Variants in RTN1 observed in about 807,000 individuals in gnomAD.
RTN1 encodes reticulon-1.
Under a neutral mutation model 65.5 loss-of-function variants are expected in RTN1, and 25 were observed. The ratio of observed to expected loss-of-function variants is 0.38; its 90% CI spans 0.28 to 0.53. The LOEUF is 0.53. Ranked by LOEUF, RTN1 falls within the 20% of genes least tolerant of loss-of-function variation. The probability of loss-of-function intolerance (pLI) is 0.79; values close to 1 mark genes in which losing one functional copy is unlikely to be tolerated. For synonymous variants in RTN1, 471 were observed against 447.6 expected, an observed-to-expected ratio of 1.05 and a Z score of -0.66; for missense variants, 983 against 1,025.4, an observed-to-expected ratio of 0.96 and a Z score of 0.57.
At chr14:59,621,897 C>A (rs1950781) in intron 3 of RTN1, among the ~76,000 whole-genome samples, 133,386 of 152,290 alleles carry the variant, frequency 0.88, 58,654 homozygotes, top group East Asian at 0.99. Flanking sequence ...TAAGCGGATA[C>A]TATAAAATAG....
chr14:59,676,337 T>C (rs1045895510), intron 3 of RTN1, among the ~76,000 whole-genome samples: 3 of 152,262 alleles, frequency 2.0e-5, no homozygotes, highest in African/African-American at 7.2e-5. Flanking sequence ...TAGCAAGTGC[T>C]ACTGTTCTTT....
intron 1 of RTN1, among the ~76,000 whole-genome samples, chr14:59,798,313 C>T (rs1028819482): frequency 6.6e-6 from 1 of 152,150 alleles, no homozygotes; most frequent in Non-Finnish European, 1.5e-5. Flanking sequence ...GTTATATCAG[C>T]TTATAACTTA....
At chr14:59,623,358 G>A (rs1307926906) in intron 3 of RTN1, among the ~76,000 whole-genome samples, 1 of 152,188 alleles carries the variant, frequency 6.6e-6, no homozygotes, top group Non-Finnish European at 1.5e-5. Context: ...CACCATGGTG[G>A]GGTGGGCCTG....
intron 1 of RTN1, among the ~76,000 whole-genome samples, chr14:59,831,654 A>G (rs1887126032): frequency 6.6e-6 from 1 of 152,174 alleles, no homozygotes; most frequent in African/African-American, 2.4e-5. Context: ...ACTTTAAGAA[A>G]AAAGAAAGTG....
intron 3 of RTN1, among the ~76,000 whole-genome samples, chr14:59,629,869 A>C (rs1035596552): frequency 3.9e-5 from 6 of 152,164 alleles, no homozygotes; most frequent in Non-Finnish European, 8.8e-5. Flanking sequence ...ACAGAAAAAA[A>C]CCCCAAATAT....
chr14:59,693,431 T>C (rs1884000863), intron 3 of RTN1, among the ~76,000 whole-genome samples: 1 of 152,160 alleles, frequency 6.6e-6, no homozygotes, highest in East Asian at 1.9e-4. Flanking sequence ...TGGTAACTTC[T>C]GAGATTTTGG....
At chr14:59,617,343 A>G (rs570776213) in intron 3 of RTN1, among the ~76,000 whole-genome samples, 1 of 152,358 alleles carries the variant, frequency 6.6e-6, no homozygotes, top group African/African-American at 2.4e-5. Context: ...CATAGGTATT[A>G]AAGGGTATAA....
intron 1 of RTN1, among the ~76,000 whole-genome samples, chr14:59,811,305 C>T (rs1268281791): frequency 1.3e-5 from 2 of 152,186 alleles, no homozygotes; most frequent in Non-Finnish European, 2.9e-5. Flanking sequence ...CCTGATGATG[C>T]AAACACAAGC....
chr14:59,851,985 G>T (rs1163872572), intron 1 of RTN1, among the ~76,000 whole-genome samples: 1 of 152,074 alleles, frequency 6.6e-6, no homozygotes. Flanking sequence ...TTAGGCATTT[G>T]CTCTTTCCAG....
At chr14:59,840,144 T>A (rs1303151864) in intron 1 of RTN1, among the ~76,000 whole-genome samples, 2 of 152,156 alleles carry the variant, frequency 1.3e-5, no homozygotes, top group Non-Finnish European at 2.9e-5. Flanking sequence ...CCTATCCTGG[T>A]TTAAAACACT....
chr14:59,731,291 A>C (rs1029902759), intron 2 of RTN1, among the ~76,000 whole-genome samples: 5 of 152,218 alleles, frequency 3.3e-5, no homozygotes, highest in Admixed American at 6.5e-5. Flanking sequence ...AAATGTCCAG[A>C]ATAAGTAAAT....
At chr14:59,756,842 T>G (rs1885648494) in intron 1 of RTN1, among the ~76,000 whole-genome samples, 2 of 51,394 alleles carry the variant, frequency 3.9e-5, no homozygotes, top group Middle Eastern at 8.8e-3. Flanking sequence ...CTTTTTTTTG[T>G]TTTTTTTTTT....
chr14:59,751,172 G>T (rs1885512726), intron 1 of RTN1, among the ~76,000 whole-genome samples: 1 of 144,294 alleles, frequency 6.9e-6, no homozygotes, highest in South Asian at 2.3e-4. Context: ...ATACATCTCA[G>T]CTAGGCTTCT....
chr14:59,606,664 C>T (rs1052529656), intron 4 of RTN1, among the ~76,000 whole-genome samples: 2 of 152,204 alleles, frequency 1.3e-5, no homozygotes, highest in Non-Finnish European at 2.9e-5. Context: ...AGTGCTAACA[C>T]CTCCCTCTGC....
chr14:59,858,738 C>T (rs748430561), intron 1 of RTN1, among the ~76,000 whole-genome samples: 12 of 152,046 alleles, frequency 7.9e-5, no homozygotes, highest in Non-Finnish European at 1.8e-4. Context: ...GAATAATCTT[C>T]CATAAATATA....
chr14:59,814,307 G>A (rs750826897), intron 1 of RTN1, among the ~76,000 whole-genome samples: 1 of 152,188 alleles, frequency 6.6e-6, no homozygotes, highest in Admixed American at 6.5e-5. Context: ...CACGGCAGAC[G>A]CTGAAAGTTG....
Position 59,648,387 on chromosome 14 carries a change from C to G in RTN1, c.1766-40895G>C, listed in dbSNP as rs368565634. Among the ~76,000 whole-genome samples the G allele has an allele frequency of 2.6e-5, 4 of 152,190 alleles. No homozygotes were observed. In the East Asian group the frequency reaches 5.8e-4, roughly 22 times the overall value. On this transcript the variant is annotated intron_variant, in intron 3 of 8. Coordinates refer to ENST00000267484, the MANE Select transcript of RTN1 (RefSeq NM_021136.3). ...TAAAGAAAGAAGAGCTGGTACCATT[C>G]CTACTGAAACTATTCCAACAAAATG...
rs67370818 is a variant in RTN1, at chr14:59,716,986, CAAA to C, written c.1765+9930_1765+9932del. On this transcript the variant is annotated intron_variant, in intron 3 of 8. Coordinates refer to ENST00000267484, the MANE Select transcript of RTN1 (RefSeq NM_021136.3). ...CCATCTCAACAAACAAACAAACAAA[CAAA>C]AAAAAAAAAAAAAAGAAGTAGAGGT... Among the ~76,000 whole-genome samples, 175 of 119,638 alleles carry C rather than the reference CAAA, an allele frequency of 1.5e-3. 2 individuals carry two copies. Among genetic ancestry groups the C allele is most frequent in the Middle Eastern group, 4.6e-3 (1 of 216 alleles). 78.5% of individuals were successfully genotyped at this position (119,638 alleles called of 152,430 possible).
intron 1 of RTN1, among the ~76,000 whole-genome samples, chr14:59,815,539 C>T (rs1594753663): frequency 6.6e-6 from 1 of 152,342 alleles, no homozygotes; most frequent in Middle Eastern, 3.4e-3. Flanking sequence ...GCTGTCCTCA[C>T]CTCCTCAACT....
Sources: allele counts gnomAD v4.1 joint callset (sites outside exome capture counted in the v4.1 genomes callset), GRCh38; gene constraint gnomAD v4.1.1; transcripts MANE v1.5; gene names NCBI Gene and HGNC (gene_info 2026-07-23, HGNC 2026-07-21).